The following SPATS2L variants were observed in gnomAD, a reference collection of about 807,000 sequenced individuals.
SPATS2L encodes the protein SPATS2-like protein.
A neutral mutation model predicts 59.6 loss-of-function variants in SPATS2L; 30 were observed. The ratio of observed to expected loss-of-function variants is 0.50; its 90% CI spans 0.38 to 0.68. The LOEUF is 0.68. Among genes scored for constraint, SPATS2L ranks in the 30% least tolerant of loss-of-function variants. The pLI, the probability that SPATS2L is intolerant of heterozygous loss-of-function variation, is 0.00. For synonymous variants in SPATS2L, 252 were observed against 263.5 expected (o/e 0.96, Z 0.42); for missense variants, 615 against 700.0 (o/e 0.88, Z 1.37).
At chr2:200,309,421 A>G (rs2079127093) in intron 1 of SPATS2L, among the ~76,000 whole-genome samples, 1 of 152,258 alleles carries the variant, frequency 6.6e-6, no homozygotes, top group Non-Finnish European at 1.5e-5. Flanking sequence ...TGTGCACTTG[A>G]CAGGTACTGC....
chr2:200,315,856 CAAA>C (rs374718905), intron 1 of SPATS2L, among the ~76,000 whole-genome samples: 3 of 90,932 alleles, frequency 3.3e-5, no homozygotes, highest in Non-Finnish European at 4.0e-5. Context: ...ACCAAAAATC[CAAA>C]AAAAAAAAAA....
At chr2:200,430,591 T>C (rs559647650) in intron 6 of SPATS2L, among the ~76,000 whole-genome samples, 5 of 152,320 alleles carry the variant, frequency 3.3e-5, no homozygotes, top group Admixed American at 3.3e-4. Context: ...CGTGAGATTA[T>C]GAACATTACT....
At chr2:200,365,476 G>A (rs564324882) in intron 2 of SPATS2L, among the ~76,000 whole-genome samples, 6 of 152,266 alleles carry the variant, frequency 3.9e-5, no homozygotes, top group Admixed American at 3.3e-4. Context: ...CTGGTTTTCA[G>A]TCTTCAAAGT....
chr2:200,439,436 C>A, intron 7 of SPATS2L, 108 bp downstream of exon 7: 3 of 870,854 alleles, frequency 3.4e-6, no homozygotes, highest in Non-Finnish European at 5.4e-6. Flanking sequence ...GAGAGATGCA[C>A]ATGAAATTGC....
At chr2:200,401,964 C>T (rs1424904417) in intron 3 of SPATS2L, among the ~76,000 whole-genome samples, 1 of 152,202 alleles carries the variant, frequency 6.6e-6, no homozygotes, top group African/African-American at 2.4e-5. Flanking sequence ...CCACTGGTCC[C>T]TTCTCAGGAA....
chr2:200,391,634 T>C (rs967098766), intron 3 of SPATS2L, among the ~76,000 whole-genome samples: 3 of 152,220 alleles, frequency 2.0e-5, no homozygotes, highest in Non-Finnish European at 4.4e-5. Flanking sequence ...TTTAAAAATA[T>C]CACCTGGCTC....
At chr2:200,459,957 T>C (rs2086120532) in intron 9 of SPATS2L, 130 bp downstream of exon 9, 1 of 681,666 alleles carries the variant, frequency 1.5e-6, no homozygotes, top group African/African-American at 1.8e-5. Context: ...GCTCATGAAC[T>C]CTGTAACCTT....
chr2:200,478,986 C>G lies in SPATS2L; in HGVS notation c.*955C>G. 6.6e-6 allele frequency: 1 copy of G among 152,194 alleles called. No individual in the cohort carries two copies. The allele number at this position is 152,194 out of a possible 1,614,324, so 9.4% of individuals were successfully genotyped here. ...TGGCATGATCTCGGCTCACTGCAACCTCCGCCTCCTGGGTTCAAGCCATTC... is the reference window on the plus strand; with the variant it reads ...TGGCATGATCTCGGCTCACTGCAACGTCCGCCTCCTGGGTTCAAGCCATTC... On this transcript the variant is annotated 3_prime_UTR_variant, in exon 13 of 13. Transcript: ENST00000409140.
intron 3 of SPATS2L, among the ~76,000 whole-genome samples, chr2:200,400,215 T>C (rs1337401181): frequency 6.6e-6 from 1 of 152,210 alleles, no homozygotes; most frequent in Non-Finnish European, 1.5e-5. Flanking sequence ...TCATCAGTGA[T>C]AGTGGCTAGA....
intron 1 of SPATS2L, among the ~76,000 whole-genome samples, chr2:200,325,618 A>G (rs1205978554): frequency 1.3e-5 from 2 of 152,090 alleles, no homozygotes; most frequent in African/African-American, 4.8e-5. Context: ...GCCCCAAGTG[A>G]TCTGCCTGCC....
chr2:200,416,341 AT>A, intron 4 of SPATS2L, 37 bp from the exon 5 acceptor site: 1 of 1,120,070 alleles, frequency 8.9e-7, no homozygotes, highest in Non-Finnish European at 1.2e-6. Flanking sequence ...GTGTTTTATG[AT>A]GTGAATATTT....
chr2:200,452,078 A>G (rs959837894), intron 8 of SPATS2L, among the ~76,000 whole-genome samples: 3 of 152,292 alleles, frequency 2.0e-5, no homozygotes, highest in South Asian at 2.1e-4. Flanking sequence ...GATTATAGGC[A>G]TGAGCCACCA....
At chr2:200,391,504 A>G (rs995329938) in intron 3 of SPATS2L, among the ~76,000 whole-genome samples, 6 of 152,236 alleles carry the variant, frequency 3.9e-5, no homozygotes, top group African/African-American at 9.6e-5. Flanking sequence ...CAGACTGCCA[A>G]AGGAGGTCCA....
At chr2:200,424,578 C>T (rs1228224372) in intron 6 of SPATS2L, among the ~76,000 whole-genome samples, 1 of 152,290 alleles carries the variant, frequency 6.6e-6, no homozygotes, top group South Asian at 2.1e-4. Flanking sequence ...ATGTCTAAAG[C>T]ACATGTTGAC....
At chr2:200,336,160 T>C (rs565898060) in intron 2 of SPATS2L, among the ~76,000 whole-genome samples, 1 of 152,354 alleles carries the variant, frequency 6.6e-6, no homozygotes, top group South Asian at 2.1e-4. Flanking sequence ...ATGAACTTTT[T>C]GTCAGCCACG....
chr2:200,339,172 G>A (rs2080241295), intron 2 of SPATS2L, among the ~76,000 whole-genome samples: 1 of 152,204 alleles, frequency 6.6e-6, no homozygotes, highest in Admixed American at 6.5e-5. Context: ...AGGGCAAAGA[G>A]TAAATAAGAC....
intron 6 of SPATS2L, among the ~76,000 whole-genome samples, chr2:200,437,892 ATT>A (rs1383321809): frequency 6.6e-6 from 1 of 151,848 alleles, no homozygotes; most frequent in Non-Finnish European, 1.5e-5. Flanking sequence ...ATTGTTTTTT[ATT>A]TTTTTCTATG....
intron 2 of SPATS2L, among the ~76,000 whole-genome samples, chr2:200,380,393 A>G (rs2081764692): frequency 6.6e-6 from 1 of 152,210 alleles, no homozygotes; most frequent in East Asian, 1.9e-4. Flanking sequence ...CGCCACGCAG[A>G]TGACTCTGCC....
At chr2:200,415,262 A>G (rs1332566562) in intron 4 of SPATS2L, among the ~76,000 whole-genome samples, 5 of 152,210 alleles carry the variant, frequency 3.3e-5, no homozygotes, top group African/African-American at 1.2e-4. Flanking sequence ...GATAGGAATT[A>G]TTAGCCTGTC....
Sources: gnomAD v4.1 joint callset for allele counts (sites outside exome capture counted in the v4.1 genomes callset) on GRCh38, gnomAD v4.1.1 for gene constraint, MANE v1.5 for transcripts, NCBI Gene and HGNC (gene_info 2026-07-23, HGNC 2026-07-21) for gene names.